The following ADGRL2 variants were observed in gnomAD, a reference collection of about 807,000 sequenced individuals.
ADGRL2 encodes calcium-independent alpha-latrotoxin receptor 2.
In ADGRL2, 44 loss-of-function variants were observed where a neutral mutation model predicts 157.4. That is an observed-to-expected ratio of 0.28 (90% CI 0.22 to 0.36). The LOEUF is 0.36. Ranked by LOEUF, ADGRL2 falls within the 10% of genes least tolerant of loss-of-function variation. ADGRL2 has a pLI of 1.00. For synonymous variants in ADGRL2, 585 were observed against 624.7 expected (o/e 0.94, Z 0.95); for missense variants, 1,510 against 1,768.9 (o/e 0.85, Z 2.63).
intron 2 of ADGRL2, among the ~76,000 whole-genome samples, chr1:81,447,611 A>T (rs1200390763): frequency 6.6e-6 from 1 of 152,184 alleles, no homozygotes; most frequent in East Asian, 1.9e-4. Flanking sequence ...ATCTCTCTAA[A>T]ATTTTTGATA....
chr1:81,930,441 T>G (rs757758035), intron 3 of ADGRL2, among the ~76,000 whole-genome samples: 1 of 152,208 alleles, frequency 6.6e-6, no homozygotes, highest in Non-Finnish European at 1.5e-5. Context: ...CAAAAAATAC[T>G]GTGGATGCCT....
chr1:81,515,145 G>C (rs952732691), intron 2 of ADGRL2: 1 of 152,120 alleles, frequency 6.6e-6, no homozygotes, highest in Non-Finnish European at 1.5e-5. Flanking sequence ...AGGCAATGAT[G>C]TATCTTCTGG....
At chr1:81,727,455 A>C (rs2084570001) in intron 1 of ADGRL2, among the ~76,000 whole-genome samples, 1 of 151,990 alleles carries the variant, frequency 6.6e-6, no homozygotes, top group South Asian at 2.1e-4. Context: ...TTTTTTTGAG[A>C]TGGAGTCTTG....
rs987951917 is a variant in ADGRL2 at position 81,422,488 on chromosome 1, A to G, written c.-301-22548A>G. On this transcript the variant is annotated intron_variant, in intron 1 of 24. Transcript: ENST00000370721. The stretch of plus-strand genomic sequence containing the variant: ...TCGAACTCCTGACCTCAAGTGATCC[A>G]CCCGCCTCGGCCTCCCAAAGTGCTG... 1.8e-3 allele frequency among the ~76,000 whole-genome samples: 269 copies of G among 152,060 alleles called. 1 individual carries two copies. Among genetic ancestry groups the G allele is most frequent in the African/African-American group, 5.6e-3 (231 of 41,534 alleles).
At chr1:81,348,395 A>G (rs1022314300) in intron 1 of ADGRL2, among the ~76,000 whole-genome samples, 2 of 152,350 alleles carry the variant, frequency 1.3e-5, no homozygotes, top group Admixed American at 1.3e-4. Context: ...TTTTGACAGT[A>G]GCCTTTCTCC....
intron 2 of ADGRL2, among the ~76,000 whole-genome samples, chr1:81,563,361 G>T (rs148225615): frequency 2.0e-5 from 3 of 151,930 alleles, no homozygotes; most frequent in African/African-American, 7.3e-5. Context: ...CATTTTTAAC[G>T]GAGTTCTTTG....
At chr1:81,759,119 T>C (rs770883749) in intron 1 of ADGRL2, among the ~76,000 whole-genome samples, 4 of 152,184 alleles carry the variant, frequency 2.6e-5, no homozygotes, top group Non-Finnish European at 5.9e-5. Context: ...CAGGTTTGAT[T>C]AGATTTTGAT....
chr1:81,425,376 A>C (rs2077193766), intron 1 of ADGRL2, among the ~76,000 whole-genome samples: 1 of 151,624 alleles, frequency 6.6e-6, no homozygotes, highest in Admixed American at 6.6e-5. Context: ...TACTACTCTG[A>C]AGTGTGGCAG....
chr1:81,782,445 T>A (rs1001734205), intron 2 of ADGRL2, among the ~76,000 whole-genome samples: 2 of 152,190 alleles, frequency 1.3e-5, no homozygotes, highest in African/African-American at 2.4e-5. Flanking sequence ...GGATATACTT[T>A]AAAAAATTAA....
chr1:81,721,543 C>T, intron 1 of ADGRL2: 9 of 414,374 alleles, frequency 2.2e-5, no homozygotes, highest in Non-Finnish European at 4.0e-5. Flanking sequence ...ATCTCTTGAG[C>T]CCAGGAGTTC....
intron 4 of ADGRL2, among the ~76,000 whole-genome samples, chr1:81,939,366 C>T (rs181747992): frequency 1.4e-4 from 21 of 151,566 alleles, no homozygotes; most frequent in Admixed American, 4.6e-4. Context: ...GAGGATAAAG[C>T]AGAGTAATCA....
Position 81,979,909 on chromosome 1 carries a change from T to C in ADGRL2, c.3062T>C (p.Val1021Ala). Reference protein sequence around the residue: ...IFLVITLCKMVKHSNTLKPDS... With the variant: ...IFLVITLCKMAKHSNTLKPDS... Reference sequence around the variant, plus strand: ...TTGGTGATCACATTGTGCAAAATGGTGAAGCATTCAAACACTTTGAAACCA... The same window carrying C: ...TTGGTGATCACATTGTGCAAAATGGCGAAGCATTCAAACACTTTGAAACCA... The change falls in exon 18 of 24, where the codon GTG (valine) becomes GCG (alanine). Residue 1021 changes from valine (V) to alanine (A), a missense_variant. Transcript: ENST00000686636. The C allele has an allele frequency of 6.2e-7, 1 of 1,608,722 alleles. No individual in the cohort carries two copies. The highest frequency in any genetic ancestry group is 8.5e-7 in the Non-Finnish European group (1 of 1,176,110).
intron 2 of ADGRL2, among the ~76,000 whole-genome samples, chr1:81,460,205 C>T (rs1257637394): frequency 1.3e-5 from 2 of 151,680 alleles, no homozygotes; most frequent in East Asian, 3.9e-4. Flanking sequence ...GTTTGATGTC[C>T]TCCCATTTGC....
intron 1 of ADGRL2, among the ~76,000 whole-genome samples, chr1:81,700,656 G>A (rs1219355397): frequency 1.3e-5 from 2 of 152,176 alleles, no homozygotes; most frequent in Non-Finnish European, 2.9e-5. Flanking sequence ...GTTTGCATTA[G>A]TATTTGAGAT....
intron 3 of ADGRL2, among the ~76,000 whole-genome samples, chr1:81,593,779 A>T (rs544791463): frequency 6.6e-6 from 1 of 152,324 alleles, no homozygotes; most frequent in South Asian, 2.1e-4. Context: ...AAGTGTACCT[A>T]TGCTTCTAAG....
At chr1:81,801,727 C>T (rs1445768976) in intron 1 of ADGRL2, among the ~76,000 whole-genome samples, 5 of 152,146 alleles carry the variant, frequency 3.3e-5, no homozygotes, top group Non-Finnish European at 7.4e-5. Context: ...TCCGGCCGGG[C>T]GCTCGGGGGG....
chr1:81,444,172 C>A (rs1396612675), intron 1 of ADGRL2, among the ~76,000 whole-genome samples: 1 of 152,234 alleles, frequency 6.6e-6, no homozygotes, highest in Non-Finnish European at 1.5e-5. Context: ...AAATATGTAA[C>A]ATTTACCTTT....
At chr1:81,626,704 G>A (rs1159788064) in intron 3 of ADGRL2, among the ~76,000 whole-genome samples, 2 of 152,208 alleles carry the variant, frequency 1.3e-5, no homozygotes, top group Non-Finnish European at 1.5e-5. Context: ...CCAGGGCGGT[G>A]GATGTGGGAG....
chr1:81,569,337 C>G (rs994110546), intron 2 of ADGRL2, among the ~76,000 whole-genome samples: 1 of 151,998 alleles, frequency 6.6e-6, no homozygotes, highest in Non-Finnish European at 1.5e-5. Context: ...GTGGTAGATC[C>G]GGGGTTCAAA....
Sources: allele counts gnomAD v4.1 joint callset (sites outside exome capture counted in the v4.1 genomes callset), GRCh38; gene constraint gnomAD v4.1.1; transcripts MANE v1.5; gene names NCBI Gene and HGNC (gene_info 2026-07-23, HGNC 2026-07-21).